FRMD3: variants seen among roughly 807,000 people sequenced by gnomAD.
The protein encoded by FRMD3 is FERM domain-containing protein 3.
In FRMD3, 33 loss-of-function variants were observed where a neutral mutation model predicts 70.2. The ratio of observed to expected loss-of-function variants is 0.47; its 90% CI spans 0.36 to 0.63. The LOEUF is 0.63. Ranked by LOEUF, FRMD3 falls within the 20% of genes least tolerant of loss-of-function variation. The probability of loss-of-function intolerance (pLI) is 0.00; values close to 1 mark genes in which losing one functional copy is unlikely to be tolerated. For synonymous variants in FRMD3, 279 were observed against 255.9 expected, an observed-to-expected ratio of 1.09 and a Z score of -0.86; for missense variants, 632 against 711.4, an observed-to-expected ratio of 0.89 and a Z score of 1.27.
intron 1 of FRMD3, among the ~76,000 whole-genome samples, chr9:83,421,611 T>C (rs973883378): frequency 1.3e-5 from 2 of 152,198 alleles, no homozygotes; most frequent in African/African-American, 4.8e-5. Flanking sequence ...TTCCATCCCC[T>C]GATTCATAAG....
chr9:83,350,888 T>A (rs1312570211), intron 3 of FRMD3: 2 of 466,664 alleles, frequency 4.3e-6, no homozygotes, highest in Admixed American at 6.4e-5. Flanking sequence ...GATAAATGCA[T>A]ACCAGTGTAG....
At chr9:83,351,714 T>C (rs1054527583) in intron 3 of FRMD3, among the ~76,000 whole-genome samples, 26 of 151,544 alleles carry the variant, frequency 1.7e-4, no homozygotes, top group Middle Eastern at 3.4e-3. Flanking sequence ...GATAGATAGA[T>C]AGATAGATAG....
At chr9:83,519,525 C>T (rs551035273) in intron 1 of FRMD3, among the ~76,000 whole-genome samples, 8 of 152,294 alleles carry the variant, frequency 5.3e-5, no homozygotes, top group South Asian at 4.1e-4. Context: ...GAAATAGGAA[C>T]GCTTTTGCAC....
At chr9:83,515,003 G>T (rs575175938) in intron 1 of FRMD3, among the ~76,000 whole-genome samples, 1 of 152,292 alleles carries the variant, frequency 6.6e-6, no homozygotes, top group Non-Finnish European at 1.5e-5. Context: ...CCATGAAGAA[G>T]AGGAAAAAAC....
chr9:83,434,259 CTG>C (rs1827065774), intron 1 of FRMD3, among the ~76,000 whole-genome samples: 1 of 152,210 alleles, frequency 6.6e-6, no homozygotes, highest in Non-Finnish European at 1.5e-5. Flanking sequence ...TTTTAGGAGA[CTG>C]TGCCGTGGTC....
intron 1 of FRMD3, among the ~76,000 whole-genome samples, chr9:83,512,493 T>C (rs1316683686): frequency 6.6e-6 from 1 of 152,184 alleles, no homozygotes; most frequent in African/African-American, 2.4e-5. Context: ...CATTAAAACT[T>C]TGTTGATTTA....
rs113322302 is a variant in FRMD3 at position 83,286,496 on chromosome 9, T to C, written c.1195+4107A>G. ...ACAGGCATATGCCACCACACCCAGC[T>C]AATTTTGTATTTTTAGTAGAGACAG... On this transcript the variant is annotated intron_variant, in intron 13 of 13. Transcript: ENST00000304195. 8.1e-3 allele frequency among the ~76,000 whole-genome samples: 1,240 copies of C among 152,232 alleles called. 11 individuals are homozygous for C. The highest frequency in any genetic ancestry group is 0.031 in the South Asian group (148 of 4,818).
At chr9:83,312,511 G>T (rs1461476436) in intron 7 of FRMD3, among the ~76,000 whole-genome samples, 2 of 152,128 alleles carry the variant, frequency 1.3e-5, no homozygotes, top group Non-Finnish European at 2.9e-5. Flanking sequence ...ACAACACAAA[G>T]ATCAAGTCAG....
the FRMD3 span, among the ~76,000 whole-genome samples, chr9:83,585,726 A>T: frequency 1.3e-5 from 2 of 152,220 alleles, no homozygotes; most frequent in African/African-American, 4.8e-5. Context: ...TCTTTATGCA[A>T]GTTAGAAATA....
intron 1 of FRMD3, among the ~76,000 whole-genome samples, chr9:83,434,614 C>T (rs1206857153): frequency 6.6e-6 from 1 of 152,120 alleles, no homozygotes; most frequent in African/African-American, 2.4e-5. Context: ...CAAACTAGCT[C>T]AAACCAAAGG....
intron 1 of FRMD3, among the ~76,000 whole-genome samples, chr9:83,425,703 C>T (rs1009584555): frequency 5.0e-4 from 75 of 151,002 alleles, no homozygotes; most frequent in Middle Eastern, 3.4e-3. Context: ...GTCAGGAGTT[C>T]GAGACCAGCC....
At chr9:83,282,855 A>G (rs536737694) in intron 13 of FRMD3, among the ~76,000 whole-genome samples, 1 of 152,310 alleles carries the variant, frequency 6.6e-6, no homozygotes, top group African/African-American at 2.4e-5. Context: ...GATGCACACT[A>G]TTGGTGTCTT....
chr9:83,335,057 AAG>A (rs1423776538), intron 6 of FRMD3, among the ~76,000 whole-genome samples: 1 of 152,206 alleles, frequency 6.6e-6, no homozygotes, highest in Non-Finnish European at 1.5e-5. Flanking sequence ...AGGTGAGAAA[AAG>A]AGGATCAGAC....
chr9:83,556,954 G>A, the FRMD3 span, among the ~76,000 whole-genome samples: 2 of 151,900 alleles, frequency 1.3e-5, no homozygotes, highest in African/African-American at 4.8e-5. Context: ...TCTTAAGAAT[G>A]AAAATGACTT....
the FRMD3 span, among the ~76,000 whole-genome samples, chr9:83,568,955 GATACATAC>G: frequency 0.14 from 18,211 of 130,406 alleles, 1,371 homozygotes; most frequent in Admixed American, 0.19. Context: ...TAGATAGATA[GATACATAC>G]ATACATACAT....
chr9:83,545,070 AT>A, the FRMD3 span, among the ~76,000 whole-genome samples: 1 of 152,188 alleles, frequency 6.6e-6, no homozygotes, highest in African/African-American at 2.4e-5. Context: ...AGAATTAAAA[AT>A]ATAGATTGTA....
intron 1 of FRMD3, among the ~76,000 whole-genome samples, chr9:83,435,234 C>T (rs574853524): frequency 1.3e-5 from 2 of 152,306 alleles, no homozygotes; most frequent in South Asian, 4.1e-4. Flanking sequence ...CATTTGATTT[C>T]CTCTTAGTCA....
the FRMD3 span, among the ~76,000 whole-genome samples, chr9:83,566,314 A>G: frequency 5.1e-3 from 779 of 152,258 alleles, 7 homozygotes; most frequent in African/African-American, 0.018. Flanking sequence ...CCATGGTTCA[A>G]TTACCTTCTC....
intron 1 of FRMD3, among the ~76,000 whole-genome samples, chr9:83,498,448 T>TC (rs1828990606): frequency 6.6e-6 from 1 of 152,216 alleles, no homozygotes. Flanking sequence ...CCATAAAATC[T>TC]CTATCATTCT....
Sources: gnomAD v4.1 joint callset for allele counts (sites outside exome capture counted in the v4.1 genomes callset) on GRCh38, gnomAD v4.1.1 for gene constraint, MANE v1.5 for transcripts, NCBI Gene and HGNC (gene_info 2026-07-23, HGNC 2026-07-21) for gene names.